LRRC7: variants seen among roughly 807,000 people sequenced by gnomAD.
LRRC7 encodes the protein leucine-rich repeat-containing protein 7.
A neutral mutation model predicts 175.7 loss-of-function variants in LRRC7; 23 were observed. The observed-to-expected ratio is 0.13, with a 90% CI of 0.09 to 0.19. The LOEUF is 0.19. Ranked by LOEUF, LRRC7 falls within the 10% of genes least tolerant of loss-of-function variation. The pLI is 1.00. For missense variants in LRRC7, 1,354 were observed against 1,904.7 expected, an observed-to-expected ratio of 0.71 and a Z score of 5.38; for synonymous variants, 685 against 680.9, an observed-to-expected ratio of 1.01 and a Z score of -0.09.
At chr1:69,736,971 A>G (rs115857734) in intron 2 of LRRC7, among the ~76,000 whole-genome samples, 7 of 152,170 alleles carry the variant, frequency 4.6e-5, no homozygotes, top group African/African-American at 1.4e-4. Context: ...ATTGGTCTTT[A>G]TACTGTTTAC....
intron 1 of LRRC7, among the ~76,000 whole-genome samples, chr1:69,662,712 G>C (rs528018287): frequency 1.3e-5 from 2 of 152,260 alleles, no homozygotes; most frequent in Admixed American, 6.5e-5. Context: ...ATTGGGTATC[G>C]ATTATTTTTG....
chr1:69,848,574 T>C (rs972594832), intron 7 of LRRC7, among the ~76,000 whole-genome samples: 1 of 152,104 alleles, frequency 6.6e-6, no homozygotes, highest in Non-Finnish European at 1.5e-5. Context: ...CCATTATTGA[T>C]AGTTGGTTCA....
At chr1:69,909,134 C>A (rs1285687381) in intron 7 of LRRC7, among the ~76,000 whole-genome samples, 2 of 152,026 alleles carry the variant, frequency 1.3e-5, no homozygotes, top group African/African-American at 4.8e-5. Flanking sequence ...AGATCTTCCT[C>A]CATCCTTTTA....
intron 23 of LRRC7, among the ~76,000 whole-genome samples, chr1:70,071,795 G>A (rs985921188): frequency 6.6e-6 from 1 of 151,950 alleles, no homozygotes; most frequent in Admixed American, 6.6e-5. Flanking sequence ...AGCCAAGATG[G>A]GTAATAAAAC....
intron 23 of LRRC7, among the ~76,000 whole-genome samples, chr1:70,064,762 A>G (rs564931083): frequency 6.6e-6 from 1 of 151,992 alleles, no homozygotes; most frequent in East Asian, 1.9e-4. Flanking sequence ...GTCTATGCAA[A>G]TCAAAATTTT....
Position 69,587,961 on chromosome 1 carries a change from G to A in LRRC7, c.2+19320G>A, listed in dbSNP as rs976733198. On this transcript the variant is annotated intron_variant, in intron 1 of 26. Transcript: ENST00000651989. The stretch of plus-strand genomic sequence containing the variant: ...AGAATGGACTAATACGCCTTCCTAT[G>A]TGCATTTGATATTCTGGCCACACTG... Among the ~76,000 whole-genome samples, 3 of 152,136 alleles carry A rather than the reference G, an allele frequency of 2.0e-5. No homozygotes were observed. In the East Asian group the frequency reaches 5.8e-4, roughly 29 times the overall value.
chr1:69,696,923 A>G (rs972014726), intron 2 of LRRC7, among the ~76,000 whole-genome samples: 2 of 152,210 alleles, frequency 1.3e-5, no homozygotes, highest in African/African-American at 4.8e-5. Context: ...TTCTTTATAA[A>G]TTACCCAGCT....
chr1:69,642,811 C>G (rs1290087370), intron 1 of LRRC7, among the ~76,000 whole-genome samples: 12 of 147,294 alleles, frequency 8.1e-5, no homozygotes, highest in South Asian at 4.4e-4. Flanking sequence ...ACAGATGATA[C>G]ATAGATAGAT....
chr1:69,586,426 A>G (rs1309539525), intron 1 of LRRC7, among the ~76,000 whole-genome samples: 1 of 151,950 alleles, frequency 6.6e-6, no homozygotes, highest in Non-Finnish European at 1.5e-5. Context: ...TACATGGCAA[A>G]ATGGGGCTCC....
chr1:69,888,281 G>A (rs1018984015), intron 7 of LRRC7, among the ~76,000 whole-genome samples: 26 of 152,174 alleles, frequency 1.7e-4, no homozygotes, highest in Admixed American at 7.9e-4. Context: ...CTCTGTGGGC[G>A]TAGGACCCTC....
intron 1 of LRRC7, among the ~76,000 whole-genome samples, chr1:69,627,098 T>A (rs370283461): frequency 6.6e-5 from 10 of 152,164 alleles, no homozygotes; most frequent in East Asian, 1.9e-4. Flanking sequence ...CAGTAATGGG[T>A]TGGCTGGGTC....
At position 69,820,928 on chromosome 1, in the gene LRRC7, A is replaced by G. The variant is rs193128850; in HGVS notation, c.422-4820A>G. On this transcript the variant is annotated intron_variant, in intron 4 of 26. Transcript: ENST00000651989. ...TATTTCTAGTTCTAGATCCTTAAGC[A>G]ATCTCCACACTGTCTTCCACAATGG... is the stretch of plus-strand genomic sequence containing the variant. Among the ~76,000 whole-genome samples the G allele has an allele frequency of 2.2e-3, 331 of 152,310 alleles. 1 individual carries two copies. The highest frequency in any genetic ancestry group is 7.6e-3 in the African/African-American group (314 of 41,568).
chr1:69,761,069 C>A (rs1451734472), intron 3 of LRRC7, among the ~76,000 whole-genome samples: 1 of 151,918 alleles, frequency 6.6e-6, no homozygotes, highest in Non-Finnish European at 1.5e-5. Context: ...GTCCTTATTG[C>A]AGAAAAGACT....
At chr1:69,937,700 C>CGGA (rs1648191523) in intron 8 of LRRC7, among the ~76,000 whole-genome samples, 1 of 151,898 alleles carries the variant, frequency 6.6e-6, no homozygotes, top group Admixed American at 6.6e-5. Context: ...TTTGCTCTGT[C>CGGA]TCTTCTGCTG....
intron 7 of LRRC7, among the ~76,000 whole-genome samples, chr1:69,839,210 T>C (rs907305109): frequency 6.6e-6 from 1 of 152,100 alleles, no homozygotes; most frequent in Non-Finnish European, 1.5e-5. Flanking sequence ...TACCTTCAAG[T>C]GCATTTTATG....
chr1:69,593,381 A>T (rs1415914434), intron 1 of LRRC7, among the ~76,000 whole-genome samples: 2 of 152,088 alleles, frequency 1.3e-5, no homozygotes, highest in Admixed American at 1.3e-4. Context: ...TATTGTTTTT[A>T]TAGTTTTGCT....
intron 25 of LRRC7, among the ~76,000 whole-genome samples, chr1:70,098,358 A>G (rs1420657778): frequency 6.6e-6 from 1 of 151,728 alleles, no homozygotes; most frequent in Non-Finnish European, 1.5e-5. Flanking sequence ...AATGCCCACA[A>G]GAGAAAGCAG....
At chr1:69,704,842 T>G (rs890714254) in intron 2 of LRRC7, among the ~76,000 whole-genome samples, 7 of 152,070 alleles carry the variant, frequency 4.6e-5, no homozygotes, top group Non-Finnish European at 8.8e-5. Flanking sequence ...TTTCAAATTA[T>G]CTTAAGCATT....
intron 26 of LRRC7, among the ~76,000 whole-genome samples, chr1:70,117,321 C>T (rs1441509967): frequency 2.0e-5 from 3 of 152,116 alleles, no homozygotes; most frequent in Non-Finnish European, 2.9e-5. Context: ...ACTGTTTCTG[C>T]AATATAAACA....
Sources: gnomAD v4.1 joint callset for allele counts (sites outside exome capture counted in the v4.1 genomes callset) on GRCh38, gnomAD v4.1.1 for gene constraint, MANE v1.5 for transcripts, NCBI Gene and HGNC (gene_info 2026-07-23, HGNC 2026-07-21) for gene names.